Variants in KIAA1671 observed in about 807,000 individuals in gnomAD.
The protein encoded by KIAA1671 is KIAA1671, also known as uncharacterized protein KIAA1671.
KIAA1671 carries 52 observed loss-of-function variants against 131.2 expected under a neutral mutation model. That is an observed-to-expected ratio of 0.40 (90% CI 0.32 to 0.50). KIAA1671 has a LOEUF of 0.50. Among genes scored for constraint, KIAA1671 ranks in the 20% least tolerant of loss-of-function variants. KIAA1671 has a pLI of 0.73. For synonymous variants in KIAA1671, 1,003 were observed against 961.6 expected (o/e 1.04, Z -0.80); for missense variants, 2,360 against 2,364.2 (o/e 1.00, Z 0.04).
chr22:25,072,158 C>T (rs1158929699), intron 6 of KIAA1671, among the ~76,000 whole-genome samples: 1 of 152,124 alleles, frequency 6.6e-6, no homozygotes, highest in Non-Finnish European at 1.5e-5. Context: ...ATGGCATGCC[C>T]ATGGTACATT....
At chr22:25,132,944 A>G (rs1010211076) in intron 6 of KIAA1671, among the ~76,000 whole-genome samples, 1 of 151,808 alleles carries the variant, frequency 6.6e-6, no homozygotes, top group Non-Finnish European at 1.5e-5. Context: ...AATCCCAGCA[A>G]CTTGGGAGGC....
chr22:25,050,584 C>T (rs1438966554), intron 6 of KIAA1671: 6 of 152,240 alleles, frequency 3.9e-5, no homozygotes, highest in Non-Finnish European at 1.5e-5. Flanking sequence ...TCCTGAACCT[C>T]AGTTTCCACT....
intron 6 of KIAA1671, chr22:25,057,831 G>A (rs1446301793): frequency 6.6e-6 from 1 of 152,348 alleles, no homozygotes; most frequent in Non-Finnish European, 1.5e-5. Context: ...TGTAGAGACA[G>A]GGTTTCGCCA....
At chr22:25,093,814 CTCTCTCTCTTTCTCTCTCTG>C (rs1930234824) in intron 6 of KIAA1671, among the ~76,000 whole-genome samples, 1 of 121,256 alleles carries the variant, frequency 8.2e-6, no homozygotes, top group Non-Finnish European at 1.7e-5. Context: ...CTCTCTCTGT[CTCTCTCTCTTTCTCTCTCTG>C]TCTGTCTCTC....
chr22:25,079,660 T>G (rs1929296177), intron 6 of KIAA1671, among the ~76,000 whole-genome samples: 1 of 152,190 alleles, frequency 6.6e-6, no homozygotes. Flanking sequence ...CAGGCACATT[T>G]GCAGAACAGG....
intron 1 of KIAA1671, among the ~76,000 whole-genome samples, chr22:24,973,392 T>TTTTG (rs1569195651): frequency 1.5e-5 from 1 of 65,238 alleles, no homozygotes; most frequent in Non-Finnish European, 2.9e-5. Flanking sequence ...TATGATGGTT[T>TTTTG]TTTTTTTTTT....
At chr22:25,179,101 TCA>T (rs1418649722) in intron 9 of KIAA1671, among the ~76,000 whole-genome samples, 1 of 152,092 alleles carries the variant, frequency 6.6e-6, no homozygotes, top group African/African-American at 2.4e-5. Flanking sequence ...GGACCGCGTC[TCA>T]CGCCCGGCGG....
chr22:24,985,727 A>T (rs553901195), intron 1 of KIAA1671, among the ~76,000 whole-genome samples: 5 of 150,310 alleles, frequency 3.3e-5, no homozygotes, highest in East Asian at 3.9e-4. Flanking sequence ...AGAGAGAGAG[A>T]GTGTGTGAGT....
At chr22:24,959,313 A>G (rs1041628889) in intron 1 of KIAA1671, among the ~76,000 whole-genome samples, 1 of 151,804 alleles carries the variant, frequency 6.6e-6, no homozygotes, top group South Asian at 2.1e-4. Flanking sequence ...TGAGACCAGC[A>G]TGGCCAACAT....
At chr22:25,017,293 G>A (rs1925382067) in intron 1 of KIAA1671, among the ~76,000 whole-genome samples, 1 of 152,182 alleles carries the variant, frequency 6.6e-6, no homozygotes, top group Non-Finnish European at 1.5e-5. Context: ...TGAGGCAGGA[G>A]AATTGCTGAA....
At chr22:25,113,152 G>T (rs1931461444) in intron 6 of KIAA1671, among the ~76,000 whole-genome samples, 1 of 152,186 alleles carries the variant, frequency 6.6e-6, no homozygotes, top group South Asian at 2.1e-4. Context: ...TGATGATTTG[G>T]AGAGGTGGGA....
intron 6 of KIAA1671, among the ~76,000 whole-genome samples, chr22:25,141,684 C>G (rs115280940): frequency 1.3e-4 from 20 of 152,158 alleles, no homozygotes; most frequent in African/African-American, 4.8e-4. Flanking sequence ...TTCTAACTAC[C>G]CTCCCCTACC....
chr22:25,029,123 C>T lies in KIAA1671; in HGVS notation c.1124C>T (p.Ser375Phe). The T allele has an allele frequency of 1.4e-6, 2 of 1,463,408 alleles. No individual in the cohort carries two copies. Among genetic ancestry groups the T allele is most frequent in the East Asian group, 2.5e-5 (1 of 40,194 alleles). The allele number at this position is 1,463,408 out of a possible 1,614,324, so 90.7% of individuals were successfully genotyped here. Reference protein sequence around the residue: ...GSPRALVGGSSGVTPSNDQSP... With the variant: ...GSPRALVGGSFGVTPSNDQSP... ...CCCAGAGCCCTGGTGGGGGGCTCATCTGGGGTCACCCCCAGCAATGACCAG... is the reference window on the plus strand; with the variant it reads ...CCCAGAGCCCTGGTGGGGGGCTCATTTGGGGTCACCCCCAGCAATGACCAG... Residue 375 changes from serine (S) to phenylalanine (F), a missense_variant, in exon 3 of 13, where the codon TCT becomes TTT. Transcript: ENST00000358431.
intron 2 of KIAA1671, 26 bp from the exon 3 acceptor site, chr22:25,027,914 ATTTAC>A: frequency 8.9e-7 from 1 of 1,117,354 alleles, no homozygotes; most frequent in Middle Eastern, 2.1e-4. Flanking sequence ...TGTTTTCCAA[ATTTAC>A]TTGTTTGTTT....
At chr22:25,186,397 G>T (rs1934476302) in intron 11 of KIAA1671, 1 of 152,220 alleles carries the variant, frequency 6.6e-6, no homozygotes, top group Non-Finnish European at 1.5e-5. Context: ...TTGCACTCCA[G>T]CCTGGACTAA....
intron 6 of KIAA1671, chr22:25,112,557 G>A (rs1931423023): frequency 2.5e-6 from 1 of 396,778 alleles, no homozygotes; most frequent in Admixed American, 4.4e-5. Context: ...TCAAACCGGG[G>A]AAGTTACTTC....
rs1235121424 is a variant in KIAA1671, at chr22:25,055,269, T to C, written c.4530+5905T>C. 9 of 149,940 alleles carry C rather than the reference T, an allele frequency of 6.0e-5. 1 individual carries two copies. The highest frequency in any genetic ancestry group is 1.0e-4 in the Non-Finnish European group (7 of 67,304). The allele number at this position is 149,940 out of a possible 1,614,324, so 9.3% of individuals were successfully genotyped here. ...AATCAACTTGAAATAAGTGGGAACT[T>C]GTGAGGTGGCCCCCGCCCAAGAACA... On this transcript the variant is annotated intron_variant, in intron 6 of 12. Coordinates refer to ENST00000358431, the MANE Select transcript of KIAA1671 (RefSeq NM_001145206.2).
In KIAA1671 at chr22:25,029,438, A is replaced by G. The variant is rs1399406332; in HGVS notation, c.1439A>G (p.Gln480Arg). ...CCGGAGAAAGGGGTTGTGAGCGTTC[A>G]GGAACGGATCAGAGGCTGGACTGCC... is the stretch of plus-strand genomic sequence containing the variant. The part of the protein sequence containing the change: ...PEPEKGVVSV[Q>R]ERIRGWTAES... The change falls in exon 3 of 13, where the codon CAG (glutamine) becomes CGG (arginine). Residue 480 changes from glutamine to arginine, a missense_variant. Physicochemically the swap from Gln to Arg is conservative, Grantham distance 43. Coordinates refer to ENST00000358431, the MANE Select transcript of KIAA1671 (RefSeq NM_001145206.2). 5.2e-6 allele frequency: 8 copies of G among 1,551,296 alleles called. No individual in the cohort carries two copies. The Admixed American group carries it at 1.4e-4, about 27-fold the overall frequency.
chr22:25,018,260 C>T (rs1367864422), intron 1 of KIAA1671, among the ~76,000 whole-genome samples: 3 of 145,042 alleles, frequency 2.1e-5, no homozygotes, highest in Non-Finnish European at 4.5e-5. Flanking sequence ...CATAGCCCAG[C>T]GTAGACCATG....
Sources: allele counts gnomAD v4.1 joint callset (sites outside exome capture counted in the v4.1 genomes callset), GRCh38; gene constraint gnomAD v4.1.1; transcripts MANE v1.5; gene names NCBI Gene and HGNC (gene_info 2026-07-23, HGNC 2026-07-21).